STRN: variants seen among roughly 807,000 people sequenced by gnomAD.
STRN encodes the protein protein phosphatase 2 regulatory subunit B'''alpha.
In STRN, 53 loss-of-function variants were observed where a neutral mutation model predicts 96.3. The observed-to-expected ratio is 0.55, with a 90% CI of 0.44 to 0.69. STRN has a LOEUF of 0.69. Among genes scored for constraint, STRN ranks in the 30% least tolerant of loss-of-function variants. The probability of loss-of-function intolerance (pLI) is 0.00; values close to 1 mark genes in which losing one functional copy is unlikely to be tolerated. For missense variants in STRN, 987 were observed against 963.9 expected (o/e 1.02, Z -0.32); for synonymous variants, 428 against 355.9 (o/e 1.20, Z -2.28).
Position 36,842,346 on chromosome 2 carries a change from T to C in STRN, c.*7110A>G, listed in dbSNP as rs1008010814. 2 of 152,210 alleles carry C rather than the reference T, an allele frequency of 1.3e-5. No homozygotes were observed. The highest frequency in any genetic ancestry group is 1.9e-4 in the East Asian group (1 of 5,202). The allele number at this position is 152,210 out of a possible 1,614,324, so 9.4% of individuals were successfully genotyped here. The stretch of plus-strand genomic sequence containing the variant: ...CTGGTACATACACTAGATTTTATGA[T>C]GGCATAAGAAATTATAGCACATAAA... On this transcript the variant is annotated 3_prime_UTR_variant, in exon 18 of 18. Coordinates refer to ENST00000263918, the MANE Select transcript of STRN (RefSeq NM_003162.4).
chr2:36,915,202 A>G (rs1250645206), intron 3 of STRN, among the ~76,000 whole-genome samples: 1 of 143,090 alleles, frequency 7.0e-6, no homozygotes, highest in Non-Finnish European at 1.5e-5. Flanking sequence ...GTCTCAAAAA[A>G]AAAAAAAGGA....
At chr2:36,917,734 AGGTAGGTGATG>A (rs1223867029) in intron 2 of STRN, among the ~76,000 whole-genome samples, 5 of 152,216 alleles carry the variant, frequency 3.3e-5, no homozygotes, top group Admixed American at 2.6e-4. Flanking sequence ...CTATTTCTTA[AGGTAGGTGATG>A]GGTACATGAG....
rs144726593 is a variant in STRN at position 36,957,209 on chromosome 2, C to A, written c.234+9021G>T. On this transcript the variant is annotated intron_variant, in intron 1 of 17. Transcript: ENST00000263918. Reference sequence around the variant, plus strand: ...TTATGTCTTCAAAGCAAAGACAAAACAGAAGTATATTGGCCCTCAAATGTA... The same window carrying A: ...TTATGTCTTCAAAGCAAAGACAAAAAAGAAGTATATTGGCCCTCAAATGTA... 3.6e-3 allele frequency among the ~76,000 whole-genome samples: 543 copies of A among 152,300 alleles called. 5 individuals carry two copies. Among genetic ancestry groups the A allele is most frequent in the African/African-American group, 0.012 (512 of 41,570 alleles).
intron 16 of STRN, 22 bp downstream of exon 16, chr2:36,850,978 T>C (rs1383828994): frequency 1.4e-6 from 2 of 1,468,972 alleles, no homozygotes; most frequent in Non-Finnish European, 1.8e-6. Context: ...TTAATAAAAA[T>C]CAATTCTTAA....
At chr2:36,950,773 G>A (rs956490504) in intron 1 of STRN, among the ~76,000 whole-genome samples, 10 of 152,076 alleles carry the variant, frequency 6.6e-5, no homozygotes, top group African/African-American at 1.2e-4. Context: ...TGACAACTCC[G>A]GAACTTGCAT....
Position 36,966,281 on chromosome 2 carries a change from G to A in STRN, c.183C>T (p.Ala61=), listed in dbSNP as rs371321067. ...ACTGGGCTCTCTCCACCTCGAAGCG[G>A]GCCCACTCGTGCTGCAGGAAGTGCA... ...GILHFLQHEW[A]RFEVERAQWE... Residue 61 remains alanine (A), a synonymous_variant, in exon 1 of 18, where the codon GCC becomes GCT. Coordinates refer to ENST00000263918, the MANE Select transcript of STRN (RefSeq NM_003162.4). The A allele has an allele frequency of 2.4e-5, 38 of 1,585,160 alleles. No homozygotes were observed. The highest frequency in any genetic ancestry group is 3.2e-5 in the Non-Finnish European group (37 of 1,168,120).
chr2:36,937,548 T>C, intron 1 of STRN, among the ~76,000 whole-genome samples: 1 of 151,756 alleles, frequency 6.6e-6, no homozygotes. Context: ...TGCACACCTG[T>C]AGTCTCAGCT....
In STRN at chr2:36,842,465, C is replaced by T. The variant is rs1667974835; in HGVS notation, c.*6991G>A. 1 of 152,102 alleles carries T rather than the reference C, an allele frequency of 6.6e-6. No individual in the cohort carries two copies. The highest frequency in any genetic ancestry group is 2.4e-5 in the African/African-American group (1 of 41,416). 9.4% of individuals were successfully genotyped at this position (152,102 alleles called of 1,614,324 possible). On this transcript the variant is annotated 3_prime_UTR_variant, in exon 18 of 18. Coordinates refer to ENST00000263918, the MANE Select transcript of STRN (RefSeq NM_003162.4). ...TGGGTTAATTACCTAAAGAGGGACA[C>T]AGAAAAAGTCAATGTGGAGCTGGCA...
At chr2:36,929,453 G>A (rs1306834253) in intron 1 of STRN, among the ~76,000 whole-genome samples, 1 of 150,776 alleles carries the variant, frequency 6.6e-6, no homozygotes, top group Non-Finnish European at 1.5e-5. Context: ...GTGCGATTTC[G>A]GCTCACTGCA....
At chr2:36,962,310 CAACTCT>C (rs1262068802) in intron 1 of STRN, among the ~76,000 whole-genome samples, 1 of 152,178 alleles carries the variant, frequency 6.6e-6, no homozygotes, top group Non-Finnish European at 1.5e-5. Flanking sequence ...CTTTTTCATA[CAACTCT>C]AACACTTACA....
chr2:36,944,161 T>C (rs571300702), intron 1 of STRN, among the ~76,000 whole-genome samples: 135 of 152,230 alleles, frequency 8.9e-4, no homozygotes, highest in African/African-American at 3.1e-3. Flanking sequence ...AACATATATA[T>C]ACACACTAAC....
rs183293938 is a variant in STRN at position 36,889,486 on chromosome 2, G to A, written c.932-2660C>T. ...GGTCCCCAAATGTCTTCAGGTTTTT[G>A]AAGTTAAAATGTAGCCTTATAATCT... On this transcript the variant is annotated intron_variant, in intron 7 of 17. Transcript: ENST00000263918. 2.8e-4 allele frequency among the ~76,000 whole-genome samples: 43 copies of A among 151,812 alleles called. No individual in the cohort carries two copies. The East Asian group carries it at 8.4e-3, about 30-fold the overall frequency.
intron 2 of STRN, among the ~76,000 whole-genome samples, chr2:36,924,132 G>A (rs1373633464): frequency 6.6e-6 from 1 of 151,940 alleles, no homozygotes; most frequent in Non-Finnish European, 1.5e-5. Flanking sequence ...CGAGACGGGG[G>A]GATCACGAGG....
At position 36,840,936 on chromosome 2, in the gene STRN, C is replaced by T. The variant is rs1558614394; in HGVS notation, c.*8520G>A. The T allele has an allele frequency of 6.6e-6, 1 of 152,106 alleles. No homozygotes were observed. The highest frequency in any genetic ancestry group is 2.4e-5 in the African/African-American group (1 of 41,424). The allele number at this position is 152,106 out of a possible 1,614,324, so 9.4% of individuals were successfully genotyped here. On this transcript the variant is annotated 3_prime_UTR_variant, in exon 18 of 18. Coordinates refer to ENST00000263918, the MANE Select transcript of STRN (RefSeq NM_003162.4). ...AATCTTTGTATTCCAAAAATAATTT[C>T]TGAAAATCACAGGAAAGAAAACTTT...
chr2:36,957,310 C>T (rs1363645946), intron 1 of STRN, among the ~76,000 whole-genome samples: 1 of 152,188 alleles, frequency 6.6e-6, no homozygotes, highest in East Asian at 1.9e-4. Flanking sequence ...TGATTCCAGG[C>T]CTGGCAGTGG....
intron 1 of STRN, among the ~76,000 whole-genome samples, chr2:36,937,402 C>T (rs1670731545): frequency 6.6e-6 from 1 of 151,348 alleles, no homozygotes; most frequent in Admixed American, 6.6e-5. Flanking sequence ...GGCATAATGG[C>T]TCAAGCCTGT....
intron 15 of STRN, among the ~76,000 whole-genome samples, 193 bp from the exon 16 acceptor site, chr2:36,851,300 T>C (rs1051982763): frequency 1.3e-5 from 2 of 151,822 alleles, no homozygotes; most frequent in East Asian, 1.9e-4. Context: ...CTGGCCAACA[T>C]GGTGAAACCC....
chr2:36,945,824 C>G (rs915138461), intron 1 of STRN, among the ~76,000 whole-genome samples: 4 of 152,078 alleles, frequency 2.6e-5, no homozygotes, highest in Middle Eastern at 3.2e-3. Flanking sequence ...AATCAATTCA[C>G]GAAATTCAAC....
At chr2:36,900,118 A>C (rs1669644741) in intron 5 of STRN, among the ~76,000 whole-genome samples, 1 of 152,028 alleles carries the variant, frequency 6.6e-6, no homozygotes, top group Non-Finnish European at 1.5e-5. Context: ...CTAATTCCTG[A>C]GCCCAAGTGA....
Sources: allele counts gnomAD v4.1 joint callset (sites outside exome capture counted in the v4.1 genomes callset), GRCh38; gene constraint gnomAD v4.1.1; transcripts MANE v1.5; gene names NCBI Gene and HGNC (gene_info 2026-07-23, HGNC 2026-07-21).